Variants in LRP1B observed in about 807,000 individuals in gnomAD.
The protein encoded by LRP1B is LDL receptor related protein 1B, also known as low-density lipoprotein receptor-related protein 1B.
LRP1B carries 217 observed loss-of-function variants against 556.6 expected under a neutral mutation model. The observed-to-expected ratio is 0.39, with a 90% CI of 0.35 to 0.44. The LOEUF (loss-of-function observed/expected upper bound fraction) is 0.44. Ranked by LOEUF, LRP1B falls within the 20% of genes least tolerant of loss-of-function variation. The pLI is 1.00. For synonymous variants in LRP1B, 2,047 were observed against 1,865.8 expected, an observed-to-expected ratio of 1.10 and a Z score of -2.50; for missense variants, 5,053 against 5,620.8, an observed-to-expected ratio of 0.90 and a Z score of 3.23.
At chr2:142,075,653 C>T (rs1286653175) in intron 1 of LRP1B, among the ~76,000 whole-genome samples, 7 of 152,036 alleles carry the variant, frequency 4.6e-5, no homozygotes, top group African/African-American at 1.7e-4. Context: ...CAGACAGATA[C>T]TTTCTTTTTG....
At chr2:141,632,068 T>C (rs1688934124) in intron 2 of LRP1B, among the ~76,000 whole-genome samples, 1 of 151,888 alleles carries the variant, frequency 6.6e-6, no homozygotes, top group African/African-American at 2.4e-5. Flanking sequence ...GGACCACAGG[T>C]ATACATAACC....
intron 1 of LRP1B, among the ~76,000 whole-genome samples, chr2:142,058,061 G>C (rs1704744534): frequency 6.6e-6 from 1 of 152,114 alleles, no homozygotes; most frequent in Non-Finnish European, 1.5e-5. Context: ...TGCAGAAATA[G>C]GTATGAATAT....
In LRP1B at chr2:140,445,199, T is replaced by C. The variant is rs1686602454; in HGVS notation, c.10058-520A>G. ...GGTGCAATCTTGGCTCACTGCAACC[T>C]CTGTCTCCCATGTCCAAGCAATTCT... On this transcript the variant is annotated intron_variant, in intron 63 of 90. Transcript: ENST00000389484. 2.6e-5 allele frequency among the ~76,000 whole-genome samples: 4 copies of C among 152,110 alleles called. No individual in the cohort carries two copies. The South Asian group carries it at 8.3e-4, about 31-fold the overall frequency.
At chr2:141,233,100 T>C (rs915968372) in intron 5 of LRP1B, among the ~76,000 whole-genome samples, 1 of 152,194 alleles carries the variant, frequency 6.6e-6, no homozygotes, top group African/African-American at 2.4e-5. Flanking sequence ...TTGGTTGTCA[T>C]CCTTAGTCAA....
chr2:141,024,042 T>C (rs1398607375), intron 11 of LRP1B, among the ~76,000 whole-genome samples: 1 of 152,054 alleles, frequency 6.6e-6, no homozygotes, highest in Non-Finnish European at 1.5e-5. Context: ...CTTTCCTGTC[T>C]CCTATTCTTG....
chr2:141,401,337 A>G (rs1374535438), intron 3 of LRP1B, among the ~76,000 whole-genome samples: 2 of 152,158 alleles, frequency 1.3e-5, no homozygotes, highest in African/African-American at 2.4e-5. Context: ...TTTTACAAAC[A>G]TGGTTATGAA....
At chr2:141,448,123 G>T (rs1232483208) in intron 3 of LRP1B, among the ~76,000 whole-genome samples, 1 of 152,232 alleles carries the variant, frequency 6.6e-6, no homozygotes, top group Non-Finnish European at 1.5e-5. Flanking sequence ...CCAGAGAGGA[G>T]GAATCTAGAG....
At chr2:141,376,205 T>C (rs573712999) in intron 3 of LRP1B, among the ~76,000 whole-genome samples, 36 of 152,274 alleles carry the variant, frequency 2.4e-4, no homozygotes, top group African/African-American at 8.2e-4. Flanking sequence ...CCATATGGGT[T>C]CTCTTTTTGC....
Position 142,082,040 on chromosome 2 carries a change from C to T in LRP1B, c.82+48608G>A, listed in dbSNP as rs1344303064. ...CATTTTGTCCATAAGTCATCAAATGCTGATGCTCATCTGGTTTAAATAAAC... is the reference window on the plus strand; with the variant it reads ...CATTTTGTCCATAAGTCATCAAATGTTGATGCTCATCTGGTTTAAATAAAC... On this transcript the variant is annotated intron_variant, in intron 1 of 90. Transcript: ENST00000389484. Among the ~76,000 whole-genome samples the T allele has an allele frequency of 3.9e-5, 6 of 152,270 alleles. No homozygotes were observed. In the South Asian group the frequency reaches 1.2e-3, roughly 32 times the overall value.
intron 3 of LRP1B, among the ~76,000 whole-genome samples, chr2:141,445,039 T>C (rs1681134600): frequency 6.6e-6 from 1 of 152,216 alleles, no homozygotes; most frequent in Non-Finnish European, 1.5e-5. Context: ...AGAATTTGGC[T>C]GTGAATCTGT....
At chr2:140,590,113 C>T (rs558568239) in intron 43 of LRP1B, among the ~76,000 whole-genome samples, 1 of 151,952 alleles carries the variant, frequency 6.6e-6, no homozygotes, top group East Asian at 1.9e-4. Context: ...AGCACAAATG[C>T]ATATGTCGTC....
At chr2:141,808,118 C>A (rs1696221771) in intron 2 of LRP1B, among the ~76,000 whole-genome samples, 1 of 152,076 alleles carries the variant, frequency 6.6e-6, no homozygotes. Flanking sequence ...TCATTCTTCA[C>A]CGGCATGAAG....
chr2:141,045,625 A>G (rs1262768975), intron 11 of LRP1B, among the ~76,000 whole-genome samples: 1 of 151,972 alleles, frequency 6.6e-6, no homozygotes, highest in Non-Finnish European at 1.5e-5. Flanking sequence ...AGTTATCATT[A>G]TCTTATTCAT....
chr2:141,231,808 C>T (rs1255390484), intron 5 of LRP1B, among the ~76,000 whole-genome samples: 2 of 152,094 alleles, frequency 1.3e-5, no homozygotes, highest in Non-Finnish European at 2.9e-5. Flanking sequence ...TTTAACAAGA[C>T]ATTAAATATT....
intron 35 of LRP1B, among the ~76,000 whole-genome samples, chr2:140,757,806 G>A (rs1688787397): frequency 6.6e-6 from 1 of 152,284 alleles, no homozygotes; most frequent in Middle Eastern, 3.4e-3. Flanking sequence ...GCCTGAACCT[G>A]GGAGGCGGAG....
At chr2:141,566,660 T>C (rs2105256298) in intron 2 of LRP1B, among the ~76,000 whole-genome samples, 1 of 152,300 alleles carries the variant, frequency 6.6e-6, no homozygotes, top group East Asian at 1.9e-4. Flanking sequence ...GAAATGGAAA[T>C]ACCACATCCC....
chr2:140,981,110 G>T (rs1021224587), intron 18 of LRP1B, among the ~76,000 whole-genome samples: 3 of 151,522 alleles, frequency 2.0e-5, no homozygotes, highest in Admixed American at 6.6e-5. Flanking sequence ...AGCTGTAAAG[G>T]GGGTAGAGGA....
Position 141,711,819 on chromosome 2 carries a change from A to G in LRP1B, c.205+98460T>C, listed in dbSNP as rs533770834. Reference sequence around the variant, plus strand: ...CTTTCCTCCAGTTACAACACACTCCATCCACAGACACATACAGCTTCATGT... The same window carrying G: ...CTTTCCTCCAGTTACAACACACTCCGTCCACAGACACATACAGCTTCATGT... On this transcript the variant is annotated intron_variant, in intron 2 of 90. Transcript: ENST00000389484. Among the ~76,000 whole-genome samples the G allele has an allele frequency of 3.9e-5, 6 of 152,150 alleles. No homozygotes were observed. In the South Asian group the frequency reaches 1.0e-3, roughly 26 times the overall value.
intron 3 of LRP1B, among the ~76,000 whole-genome samples, chr2:141,372,068 T>C (rs1015620236): frequency 6.6e-6 from 1 of 152,148 alleles, no homozygotes; most frequent in East Asian, 1.9e-4. Flanking sequence ...ATTTTTATTA[T>C]GAAAAGATAC....
Sources: gnomAD v4.1 joint callset for allele counts (sites outside exome capture counted in the v4.1 genomes callset) on GRCh38, gnomAD v4.1.1 for gene constraint, MANE v1.5 for transcripts, NCBI Gene and HGNC (gene_info 2026-07-23, HGNC 2026-07-21) for gene names.